CTNNA3: variants seen among roughly 807,000 people sequenced by gnomAD.
The protein encoded by CTNNA3 is catenin alpha-3.
A neutral mutation model predicts 95.7 loss-of-function variants in CTNNA3; 76 were observed. That is an observed-to-expected ratio of 0.79 (90% CI 0.66 to 0.96). The LOEUF is 0.96. Ranked by LOEUF, CTNNA3 falls within the 40% of genes least tolerant of loss-of-function variation. CTNNA3 has a pLI of 0.00. For missense variants in CTNNA3, 1,191 were observed against 1,089.8 expected, an observed-to-expected ratio of 1.09 and a Z score of -1.31; for synonymous variants, 431 against 374.4, an observed-to-expected ratio of 1.15 and a Z score of -1.74.
intron 12 of CTNNA3, among the ~76,000 whole-genome samples, chr10:66,340,406 A>G (rs2092441570): frequency 6.6e-6 from 1 of 151,814 alleles, no homozygotes; most frequent in South Asian, 2.1e-4. Flanking sequence ...AAAACCTAAA[A>G]TCTAAACTCT....
At chr10:66,113,826 T>G (rs910872251) in intron 13 of CTNNA3, among the ~76,000 whole-genome samples, 1 of 152,220 alleles carries the variant, frequency 6.6e-6, no homozygotes, top group South Asian at 2.1e-4. Context: ...TTTTTAAACT[T>G]CCTTTATGCA....
chr10:65,949,583 T>TG (rs1341496736), intron 17 of CTNNA3, among the ~76,000 whole-genome samples: 1 of 152,064 alleles, frequency 6.6e-6, no homozygotes, highest in Admixed American at 6.6e-5. Context: ...GAAAAAAGCA[T>TG]GGGGAGGTAG....
intron 3 of CTNNA3, among the ~76,000 whole-genome samples, 172 bp downstream of exon 3, chr10:67,606,685 G>C (rs1843283482): frequency 6.6e-6 from 1 of 152,164 alleles, no homozygotes; most frequent in Non-Finnish European, 1.5e-5. Flanking sequence ...GAGTGGGACT[G>C]AGCCTTGGAG....
intron 11 of CTNNA3, among the ~76,000 whole-genome samples, chr10:66,458,688 T>A (rs2093510139): frequency 6.6e-6 from 1 of 152,208 alleles, no homozygotes; most frequent in South Asian, 2.1e-4. Flanking sequence ...ATATTTGTCC[T>A]TTTGTGTCTG....
chr10:66,836,083 T>C (rs188477148), intron 7 of CTNNA3, among the ~76,000 whole-genome samples: 38 of 152,282 alleles, frequency 2.5e-4, no homozygotes, highest in African/African-American at 9.1e-4. Flanking sequence ...AAACAAAAAG[T>C]AGTCAATGAT....
At chr10:66,848,134 T>A (rs1030528734) in intron 7 of CTNNA3, among the ~76,000 whole-genome samples, 9 of 152,130 alleles carry the variant, frequency 5.9e-5, no homozygotes, top group Non-Finnish European at 1.2e-4. Flanking sequence ...TAGATATATT[T>A]AAAAGCCAAA....
intron 5 of CTNNA3, among the ~76,000 whole-genome samples, chr10:67,387,849 C>T (rs947105524): frequency 6.6e-6 from 1 of 152,188 alleles, no homozygotes; most frequent in Non-Finnish European, 1.5e-5. Flanking sequence ...AGCTGAGGGT[C>T]CTGTCTGTTA....
intron 7 of CTNNA3, among the ~76,000 whole-genome samples, chr10:67,123,887 G>T (rs1172413495): frequency 6.6e-6 from 1 of 152,038 alleles, no homozygotes; most frequent in Non-Finnish European, 1.5e-5. Flanking sequence ...CTATCTTAAG[G>T]GTACTAAACA....
intron 7 of CTNNA3, among the ~76,000 whole-genome samples, chr10:66,981,193 C>T (rs1291246643): frequency 1.3e-5 from 2 of 152,160 alleles, no homozygotes; most frequent in South Asian, 2.1e-4. Context: ...CGTGAGCCAC[C>T]GCGCCCAGCC....
intron 9 of CTNNA3, among the ~76,000 whole-genome samples, chr10:66,668,777 A>G (rs1846552968): frequency 6.6e-6 from 1 of 151,996 alleles, no homozygotes; most frequent in Non-Finnish European, 1.5e-5. Context: ...GCACCACTGC[A>G]CTCCAGCCTG....
chr10:66,658,298 A>T (rs552141632), intron 9 of CTNNA3, among the ~76,000 whole-genome samples: 1 of 151,814 alleles, frequency 6.6e-6, no homozygotes, highest in Non-Finnish European at 1.5e-5. Flanking sequence ...GAAGAGCTAG[A>T]TTGGATACTC....
At chr10:67,594,103 G>C (rs1022726285) in intron 3 of CTNNA3, among the ~76,000 whole-genome samples, 1 of 152,156 alleles carries the variant, frequency 6.6e-6, no homozygotes, top group African/African-American at 2.4e-5. Flanking sequence ...CAGGGATAAG[G>C]CCTATTTGAT....
At chr10:66,395,291 T>G (rs755007696) in intron 11 of CTNNA3, among the ~76,000 whole-genome samples, 2 of 152,062 alleles carry the variant, frequency 1.3e-5, no homozygotes, top group Non-Finnish European at 2.9e-5. Context: ...CAAATTCTCT[T>G]CAGCATCATT....
In CTNNA3 at chr10:66,096,419, A is replaced by G. The variant is rs539713873; in HGVS notation, c.1977+6738T>C. Among the ~76,000 whole-genome samples, 29 of 152,334 alleles carry G rather than the reference A, an allele frequency of 1.9e-4. No individual in the cohort carries two copies. The South Asian group carries it at 4.8e-3, about 25-fold the overall frequency. On this transcript the variant is annotated intron_variant, in intron 14 of 17. Transcript: ENST00000433211. Reference sequence around the variant, plus strand: ...CAGAACTATCTCCAACATGCATCCAATAAATATCAGAATGAGATGTATTTT... The same window carrying G: ...CAGAACTATCTCCAACATGCATCCAGTAAATATCAGAATGAGATGTATTTT...
intron 12 of CTNNA3, among the ~76,000 whole-genome samples, chr10:66,322,190 C>T (rs1414148119): frequency 6.6e-6 from 1 of 152,096 alleles, no homozygotes; most frequent in Non-Finnish European, 1.5e-5. Flanking sequence ...TAAAATATCA[C>T]CCTACTGCTT....
intron 11 of CTNNA3, among the ~76,000 whole-genome samples, chr10:66,511,508 T>A (rs59819992): frequency 0.15 from 22,914 of 151,228 alleles, 1,814 homozygotes; most frequent in Non-Finnish European, 0.17. Context: ...TCCTTTAAAC[T>A]TCCCTCTTGT....
chr10:66,401,518 AACACACACACACACACACAC>A (rs140986771), intron 11 of CTNNA3, among the ~76,000 whole-genome samples: 5 of 144,008 alleles, frequency 3.5e-5, no homozygotes, highest in African/African-American at 1.3e-4. Flanking sequence ...TGTGTCTCAA[AACACACACACACACACACAC>A]ACACACACAC....
chr10:67,177,467 C>G (rs966301213), intron 7 of CTNNA3, among the ~76,000 whole-genome samples: 4 of 152,160 alleles, frequency 2.6e-5, no homozygotes, highest in African/African-American at 7.2e-5. Flanking sequence ...ATGAATTAAT[C>G]ACTTTCAGTT....
At chr10:67,394,110 T>A (rs1360242552) in intron 5 of CTNNA3, among the ~76,000 whole-genome samples, 1 of 152,170 alleles carries the variant, frequency 6.6e-6, no homozygotes, top group Non-Finnish European at 1.5e-5. Context: ...TAATTATGAG[T>A]ATTTCTTATC....
Sources: gnomAD v4.1 joint callset for allele counts (sites outside exome capture counted in the v4.1 genomes callset) on GRCh38, gnomAD v4.1.1 for gene constraint, MANE v1.5 for transcripts, NCBI Gene and HGNC (gene_info 2026-07-23, HGNC 2026-07-21) for gene names.